Variants in CIITA observed in about 807,000 individuals in gnomAD.
The protein encoded by CIITA is class II major histocompatibility complex transactivator, also known as MHC class II transactivator.
A neutral mutation model predicts 115.1 loss-of-function variants in CIITA; 72 were observed. The observed-to-expected ratio is 0.63, with a 90% confidence interval of 0.52 to 0.76. CIITA has a LOEUF of 0.76. CIITA is among the 30% of genes least tolerant of loss of function. CIITA has a pLI of 0.00. For synonymous variants in CIITA, 763 were observed against 635.6 expected (o/e 1.20, Z -3.02); for missense variants, 1,617 against 1,463.8 (o/e 1.10, Z -1.71).
chr16:10,898,651 C>G lies in CIITA; in HGVS notation c.296-19C>G. ...AGTTAGACCTTGTTGATTGACTGCG[C>G]TTTTCCTTGTCTGGGCAGCGGAACT... On this transcript the variant is annotated intron_variant, in intron 3 of 19. Transcript: ENST00000324288. 6.2e-7 allele frequency: 1 copy of G among 1,602,276 alleles called. No individual in the cohort carries two copies. The highest frequency in any genetic ancestry group is 8.5e-7 in the Non-Finnish European group (1 of 1,174,664).
At position 10,901,421 on chromosome 16, in the gene CIITA, A is replaced by C. The variant is rs1377486928; in HGVS notation, c.437-93A>C. 3 of 1,373,938 alleles carry C rather than the reference A, an allele frequency of 2.2e-6. No homozygotes were observed. The highest frequency in any genetic ancestry group is 3.1e-6 in the Non-Finnish European group (3 of 967,036). The allele number at this position is 1,373,938 out of a possible 1,614,324, so 85.1% of individuals were successfully genotyped here. On this transcript the variant is annotated intron_variant, in intron 5 of 19. Coordinates refer to ENST00000324288, the MANE Select transcript of CIITA (RefSeq NM_000246.4). The surrounding 1 kb of genome is among the most constrained non-coding windows in gnomAD (Gnocchi z 6.8). ...CCCCCAAGACCACTACCCAGCCTTG[A>C]AGTTAAGGCCGTATAGCCTGCTAGA...
At position 10,901,818 on chromosome 16, in the gene CIITA, G is replaced by C; in HGVS notation, c.482-220G>C. The C allele has an allele frequency of 2.8e-6, 2 of 725,848 alleles. No homozygotes were observed. Among genetic ancestry groups the C allele is most frequent in the Non-Finnish European group, 4.7e-6 (2 of 429,032 alleles). 45.0% of individuals were successfully genotyped at this position (725,848 alleles called of 1,614,324 possible). On this transcript the variant is annotated intron_variant, in intron 6 of 19. Coordinates refer to ENST00000324288, the MANE Select transcript of CIITA (RefSeq NM_000246.4). The surrounding 1 kb of genome is among the most constrained non-coding windows in gnomAD (Gnocchi z 6.8). The stretch of plus-strand genomic sequence containing the variant: ...CCCAGCTCTCCGTGTGGAGGCCCTA[G>C]GGTCCTGCTCAGCATAGCTCTCAGA...
rs776453613 is a variant in CIITA, at chr16:10,901,507, T to C, written c.437-7T>C. ...CTGGGGCAGCTGATCACATGTTTTC[T>C]CTGCAGCCTTCCCAGAGGAGCTTCC... On this transcript the variant is annotated splice_polypyrimidine_tract_variant and splice_region_variant and intron_variant, in intron 5 of 19. Transcript: ENST00000324288. The surrounding 1 kb of genome is among the most constrained non-coding windows in gnomAD (Gnocchi z 6.8). The C allele has an allele frequency of 1.2e-6, 2 of 1,614,076 alleles. No individual in the cohort carries two copies. The highest frequency in any genetic ancestry group is 1.7e-6 in the Non-Finnish European group (2 of 1,180,002).
At chr16:10,872,402 C>T (rs775808991), upstream of CIITA, among the ~76,000 whole-genome samples, 3 of 152,312 alleles carry the variant, frequency 2.0e-5, no homozygotes, top group Admixed American at 6.5e-5. Flanking sequence ...GGATTATAGG[C>T]GTGAGCCACT....
Position 10,929,168 on chromosome 16 carries a change from C to G in CIITA, c.*5313C>G. On this transcript the variant is annotated 3_prime_UTR_variant, in exon 20 of 20. Transcript: ENST00000324288. The surrounding 1 kb of genome is among the most constrained non-coding windows in gnomAD (Gnocchi z 4.3). The stretch of plus-strand genomic sequence containing the variant: ...GTCACCCCTGAAACAGTCGCTGCAT[C>G]TAAGACCAGCCTCGGGCTAAACCCA... 1 of 975,014 alleles carries G rather than the reference C, an allele frequency of 1.0e-6. No homozygotes were observed. The highest frequency in any genetic ancestry group is 1.2e-6 in the Non-Finnish European group (1 of 820,168). 60.4% of individuals were successfully genotyped at this position (975,014 alleles called of 1,614,324 possible).
In CIITA at chr16:10,934,739, C is replaced by T. The variant is rs1251533403; in HGVS notation, c.*10884C>T. On this transcript the variant is annotated 3_prime_UTR_variant, in exon 20 of 20. Transcript: ENST00000324288. The surrounding 1 kb of genome is among the most constrained non-coding windows in gnomAD (Gnocchi z 4.2). ...TTATTTTTAACCACCCAGCCAAGCCCCTTGCCAGGAGGGACTCCCAGAAAT... is the reference window on the plus strand; with the variant it reads ...TTATTTTTAACCACCCAGCCAAGCCTCTTGCCAGGAGGGACTCCCAGAAAT... The T allele has an allele frequency of 6.6e-6, 1 of 152,158 alleles. No individual in the cohort carries two copies. The highest frequency in any genetic ancestry group is 1.5e-5 in the Non-Finnish European group (1 of 68,030). 9.4% of individuals were successfully genotyped at this position (152,158 alleles called of 1,614,324 possible).
intron 2 of CIITA, 83 bp downstream of exon 2, chr16:10,895,511 TCCCTGC>T: frequency 6.3e-7 from 1 of 1,590,452 alleles, no homozygotes; most frequent in South Asian, 1.1e-5. Context: ...GAAATTCTGG[TCCCTGC>T]CCTCCCGTCA....
chr16:10,941,920 A>T lies in CIITA; in HGVS notation n.1046A>T, dbSNP rs760075613. 3 of 1,604,566 alleles carry T rather than the reference A, an allele frequency of 1.9e-6. No homozygotes were observed. The highest frequency in any genetic ancestry group is 2.5e-6 in the Non-Finnish European group (3 of 1,176,530). ...ATTGACGAAGAACAGGCCCACGTAG[A>T]ACATAGAGGGCAGCAGCGGCGGCGG... On this transcript the variant is annotated non_coding_transcript_exon_variant, in exon 2 of 2. Transcript: ENST00000573379. The surrounding 1 kb of genome is among the most constrained non-coding windows in gnomAD (Gnocchi z 6.4).
At chr16:10,913,250 GTTTCTTTC>G (rs909334692) in intron 13 of CIITA, among the ~76,000 whole-genome samples, 2 of 145,758 alleles carry the variant, frequency 1.4e-5, no homozygotes, top group Non-Finnish European at 1.5e-5. Flanking sequence ...TTCTTTCCCT[GTTTCTTTC>G]TTTCTTTCTT....
intron 3 of CIITA, among the ~76,000 whole-genome samples, chr16:10,897,277 G>A (rs2038227297): frequency 6.6e-6 from 1 of 152,164 alleles, no homozygotes; most frequent in Admixed American, 6.5e-5. Context: ...GGCAGTGTGG[G>A]GCATCACGAG....
At position 10,942,059 on chromosome 16, in the gene CIITA, G is replaced by A. The variant is rs952050828; in HGVS notation, n.1185G>A. Reference sequence around the variant, plus strand: ...CGATCCCGGCGAACTCAGCCGCTGCGGCGCCCGGGCGGCCGGCGAGGGCAC... The same window carrying A: ...CGATCCCGGCGAACTCAGCCGCTGCAGCGCCCGGGCGGCCGGCGAGGGCAC... On this transcript the variant is annotated non_coding_transcript_exon_variant, in exon 2 of 2. Coordinates refer to the CIITA transcript ENST00000573379. This position sits in a 1 kb window ranked among gnomAD's most constrained non-coding sequence, Gnocchi z 5.0. 5.4e-5 allele frequency: 71 copies of A among 1,324,176 alleles called. No individual in the cohort carries two copies. Among genetic ancestry groups the A allele is most frequent in the Non-Finnish European group, 4.4e-5 (46 of 1,038,066 alleles). 82.0% of individuals were successfully genotyped at this position (1,324,176 alleles called of 1,614,324 possible).
chr16:10,889,555 T>C (rs2037331167), intron 1 of CIITA, among the ~76,000 whole-genome samples: 1 of 152,098 alleles, frequency 6.6e-6, no homozygotes, highest in Admixed American at 6.6e-5. Context: ...TATCTCACTT[T>C]GTCGCCCAGG....
At chr16:10,877,101 AC>A (rs1213092581), upstream of CIITA, 1 of 613,206 alleles carries the variant, frequency 1.6e-6, no homozygotes, top group African/African-American at 1.8e-5. Context: ...CAGAAATCTG[AC>A]CGCTTGGGGC....
chr16:10,885,304 C>T (rs898897174), intron 1 of CIITA, among the ~76,000 whole-genome samples: 1 of 152,194 alleles, frequency 6.6e-6, no homozygotes, highest in African/African-American at 2.4e-5. Flanking sequence ...TGACACGAAG[C>T]TCATCTGACC....
intron 2 of CIITA, 101 bp downstream of exon 2, chr16:10,895,529 C>A (rs920836393): frequency 2.5e-6 from 4 of 1,570,726 alleles, no homozygotes; most frequent in East Asian, 4.5e-5. Context: ...CTCCCGTCAG[C>A]ACCACGGACA....
Position 10,906,932 on chromosome 16 carries a change from C to G in CIITA, c.1440C>G (p.Ala480=), listed in dbSNP as rs1422211170. The change falls in exon 11 of 20, where the codon GCC becomes GCG. Residue 480 remains alanine (A), a synonymous_variant. Transcript: ENST00000324288. ...TGGGCCCACAGCCACTCGTGGCGGC[C>G]GATGAGGTTTTCAGCCACATCTTGA... The part of the protein sequence containing the change: ...FSLGPQPLVA[A]DEVFSHILKR... The G allele has an allele frequency of 6.2e-7, 1 of 1,613,222 alleles. No individual in the cohort carries two copies. The highest frequency in any genetic ancestry group is 1.3e-5 in the African/African-American group (1 of 74,914).
chr16:10,910,882 GC>G (rs2039512684), intron 13 of CIITA, among the ~76,000 whole-genome samples: 1 of 152,252 alleles, frequency 6.6e-6, no homozygotes, highest in East Asian at 1.9e-4. Flanking sequence ...ATTCCCAGGA[GC>G]TTTTGATGTG....
chr16:10,905,430 A>C (rs1021626398), intron 10 of CIITA, among the ~76,000 whole-genome samples: 2 of 152,192 alleles, frequency 1.3e-5, no homozygotes, highest in African/African-American at 4.8e-5. Flanking sequence ...GTGAGTAGTG[A>C]TCAAGCGAAG....
intron 2 of CIITA, 60 bp downstream of exon 2, chr16:10,895,488 A>G: frequency 6.2e-7 from 1 of 1,606,688 alleles, no homozygotes; most frequent in Non-Finnish European, 8.5e-7. Flanking sequence ...TGCTGTAGAG[A>G]CGGCAATCAG....
Sources: allele counts gnomAD v4.1 joint callset (sites outside exome capture counted in the v4.1 genomes callset), GRCh38; gene constraint gnomAD v4.1.1; non-coding constraint Gnocchi (gnomAD v3.1); transcripts MANE v1.5; gene names NCBI Gene and HGNC (gene_info 2026-07-23, HGNC 2026-07-21).